The following SIM2 variants were observed in gnomAD, a reference collection of about 807,000 sequenced individuals.
SIM2 encodes single-minded homolog 2.
A neutral mutation model predicts 64.8 loss-of-function variants in SIM2; 28 were observed. The ratio of observed to expected loss-of-function variants is 0.43; its 90% CI spans 0.32 to 0.59. The LOEUF is 0.59. Ranked by LOEUF, SIM2 falls within the 20% of genes least tolerant of loss-of-function variation. The probability of loss-of-function intolerance (pLI) is 0.07; values close to 1 mark genes in which losing one functional copy is unlikely to be tolerated. For synonymous variants in SIM2, 408 were observed against 391.1 expected, an observed-to-expected ratio of 1.04 and a Z score of -0.51; for missense variants, 847 against 871.4, an observed-to-expected ratio of 0.97 and a Z score of 0.35.
rs1203424384 is a variant in SIM2, at chr21:36,745,276, C to A, written c.1576+140C>A. 1 of 1,459,160 alleles carries A rather than the reference C, an allele frequency of 6.9e-7. No homozygotes were observed. Among genetic ancestry groups the A allele is most frequent in the African/African-American group, 1.4e-5 (1 of 70,042 alleles). 90.4% of individuals were successfully genotyped at this position (1,459,160 alleles called of 1,614,324 possible). ...GCCCTCTTTCTGCTTCTAAGTAGGG[C>A]TTGCTGTGCTTTCTTGCTCTCAATG... On this transcript the variant is annotated intron_variant, in intron 10 of 10. Coordinates refer to ENST00000290399, the MANE Select transcript of SIM2 (RefSeq NM_005069.6). This position sits in a 1 kb window ranked among gnomAD's most constrained non-coding sequence, Gnocchi z 4.8.
At position 36,741,797 on chromosome 21, in the gene SIM2, G is replaced by A. The variant is rs766072259; in HGVS notation, c.931G>A (p.Ala311Thr). Residue 311 changes from alanine to threonine, a missense_variant, in exon 8 of 11, where the codon GCC (alanine) becomes ACC (threonine). Ala to Thr is a moderately conservative substitution (Grantham distance 58). This residue lies in a region of SIM2 where 397 missense variants were observed against 439.2 expected (regional missense o/e 0.90). Transcript: ENST00000290399. The stretch of plus-strand genomic sequence containing the variant: ...CGGCTGGGTGTGGGTGCAGAGCTAC[G>A]CCACCGTGGTGCACAACAGCCGCTC... Reference protein sequence around the residue: ...RGGWVWVQSYATVVHNSRSSR... With the variant: ...RGGWVWVQSYTTVVHNSRSSR... The A allele has an allele frequency of 1.9e-6, 3 of 1,612,150 alleles. No homozygotes were observed. The highest frequency in any genetic ancestry group is 1.1e-5 in the South Asian group (1 of 90,610).
At chr21:36,740,322 T>C (rs2123497149) in intron 7 of SIM2, among the ~76,000 whole-genome samples, 1 of 152,312 alleles carries the variant, frequency 6.6e-6, no homozygotes, top group South Asian at 2.1e-4. Flanking sequence ...GGAAGTTTCA[T>C]GTAAAGGGAA....
rs61252184 is a variant in SIM2 at position 36,737,961 on chromosome 21, C to CAAAAAAAAAAAAAAAAAAAAAAAA, written c.851-3735_851-3734insAAAAAAAAAAAAAAAAAAAAAAAA. 6.7e-4 allele frequency among the ~76,000 whole-genome samples: 23 copies of CAAAAAAAAAAAAAAAAAAAAAAAA among 34,126 alleles called. 2 individuals carry two copies. The highest frequency in any genetic ancestry group is 4.2e-3 in the South Asian group (2 of 478). The allele number at this position is 34,126 out of a possible 152,430, so 22.4% of individuals were successfully genotyped here. A position where few individuals can be genotyped will look rare whatever the true frequency, so the allele number is the denominator to read the frequency against. ...TGGGCAAAAGAGCAAGACCCTGTCT[C>CAAAAAAAAAAAAAAAAAAAAAAAA]AAAAAAAAAAAAAAAAAAAAAGCAA... On this transcript the variant is annotated intron_variant, in intron 7 of 10. Coordinates refer to ENST00000290399, the MANE Select transcript of SIM2 (RefSeq NM_005069.6).
At position 36,718,631 on chromosome 21, in the gene SIM2, T is replaced by C. The variant is rs2088777300; in HGVS notation, c.349-1190T>C. Among the ~76,000 whole-genome samples the C allele has an allele frequency of 1.3e-5, 2 of 152,236 alleles. 1 individual carries two copies. The highest frequency in any genetic ancestry group is 4.1e-4 in the South Asian group (2 of 4,832). On this transcript the variant is annotated intron_variant, in intron 3 of 10. Coordinates refer to ENST00000290399, the MANE Select transcript of SIM2 (RefSeq NM_005069.6). ...ACATGCTTTGAGTTTCTTCTCAGGCTGGGCACTGGGACTCCCCTTGGTGGT... is the reference window on the plus strand; with the variant it reads ...ACATGCTTTGAGTTTCTTCTCAGGCCGGGCACTGGGACTCCCCTTGGTGGT...
intron 7 of SIM2, among the ~76,000 whole-genome samples, chr21:36,737,961 C>CAAAAAAAAAAAAAAAAAAAAAAAAAAAAA (rs61252184): frequency 5.3e-4 from 18 of 34,128 alleles, no homozygotes; most frequent in Non-Finnish European, 8.0e-4. Flanking sequence ...GACCCTGTCT[C>CAAAAAAAAAAAAAAAAAAAAAAAAAAAAA]AAAAAAAAAA....
rs1252492956 is a variant in SIM2, at chr21:36,749,381, A to G, written c.*1289A>G. The G allele has an allele frequency of 2.6e-5, 4 of 152,184 alleles. No individual in the cohort carries two copies. Among genetic ancestry groups the G allele is most frequent in the Non-Finnish European group, 4.4e-5 (3 of 68,028 alleles). 9.4% of individuals were successfully genotyped at this position (152,184 alleles called of 1,614,324 possible). On this transcript the variant is annotated 3_prime_UTR_variant, in exon 11 of 11. Coordinates refer to ENST00000290399, the MANE Select transcript of SIM2 (RefSeq NM_005069.6). The stretch of plus-strand genomic sequence containing the variant: ...TTCTGAATGGAAAGAGGTTTTCACA[A>G]ATGTTTTAAACTCATCGTTCTAAAA...
In SIM2 at chr21:36,748,066, T is replaced by C. The variant is rs371535787; in HGVS notation, c.1978T>C (p.Ser660Pro). The change falls in exon 11 of 11, where the codon TCG becomes CCG. Residue 660 changes from serine (S) to proline (P), a missense_variant. Physicochemically the swap from Ser to Pro is moderately conservative, Grantham distance 74. Coordinates refer to ENST00000290399, the MANE Select transcript of SIM2 (RefSeq NM_005069.6). ...GAPLPHYLGA[S>P]VIITNGR ...GCCCCTGCCGCACTACCTGGGCGCC[T>C]CGGTCATCATCACCAACGGGAGGTG... is the stretch of plus-strand genomic sequence containing the variant. 3,041 of 1,203,172 alleles carry C rather than the reference T, an allele frequency of 2.5e-3. 60 individuals carry two copies. The African/African-American group carries it at 0.042, about 17-fold the overall frequency. 74.5% of individuals were successfully genotyped at this position (1,203,172 alleles called of 1,614,324 possible).
In SIM2 at chr21:36,719,945, G is replaced by GAA; in HGVS notation, c.457+16_457+17insAA. ...CTGCTCCAAGGTATTCCATCCAGAG[G>GAA]GAAAAAAAAAAACAGACTAAAAGCA... On this transcript the variant is annotated intron_variant, in intron 4 of 10. Coordinates refer to ENST00000290399, the MANE Select transcript of SIM2 (RefSeq NM_005069.6). The GAA allele has an allele frequency of 6.6e-7, 1 of 1,508,240 alleles. No homozygotes were observed. The highest frequency in any genetic ancestry group is 9.1e-7 in the Non-Finnish European group (1 of 1,094,632). The allele number at this position is 1,508,240 out of a possible 1,614,324, so 93.4% of individuals were successfully genotyped here.
At chr21:36,700,043 T>A in intron 1 of SIM2, 122 bp downstream of exon 1, 1 of 1,038,216 alleles carries the variant, frequency 9.6e-7, no homozygotes, top group Non-Finnish European at 1.4e-6. Flanking sequence ...CTGGGGCGTC[T>A]GAGGGAGGTT....
intron 1 of SIM2, among the ~76,000 whole-genome samples, chr21:36,700,299 CCTTT>C (rs201030610): frequency 4.6e-4 from 69 of 150,062 alleles, no homozygotes; most frequent in South Asian, 1.3e-3. Flanking sequence ...CTCTTTCTTT[CCTTT>C]CTTTCTTTCT....
In SIM2 at chr21:36,708,985, CAG is replaced by C. The variant is rs376499244; in HGVS notation, c.176-180_176-179del. Reference sequence around the variant, plus strand: ...TTCTCCCCCAGCCTTTTCTTTTTAACAGAGGGCAAAGGGGCGACGGCGAGAGC... The same window carrying C: ...TTCTCCCCCAGCCTTTTCTTTTTAACAGGGCAAAGGGGCGACGGCGAGAGC... On this transcript the variant is annotated intron_variant, in intron 1 of 10. Transcript: ENST00000290399. Among the ~76,000 whole-genome samples, 75 of 152,116 alleles carry C rather than the reference CAG, an allele frequency of 4.9e-4. 1 individual carries two copies. In the East Asian group the frequency reaches 0.013, roughly 26 times the overall value.
At chr21:36,719,208 A>G (rs1478877313) in intron 3 of SIM2, among the ~76,000 whole-genome samples, 3 of 152,252 alleles carry the variant, frequency 2.0e-5, no homozygotes, top group Non-Finnish European at 4.4e-5. Context: ...TCGGACTGGG[A>G]GGGCCAGAGA....
At chr21:36,722,675 C>G (rs1287042768) in intron 4 of SIM2, among the ~76,000 whole-genome samples, 2 of 152,200 alleles carry the variant, frequency 1.3e-5, no homozygotes, top group Admixed American at 1.3e-4. Flanking sequence ...TCTGCCAAGC[C>G]TTGGGTCACA....
At chr21:36,712,892 C>A (rs2088696367) in intron 3 of SIM2, among the ~76,000 whole-genome samples, 1 of 152,210 alleles carries the variant, frequency 6.6e-6, no homozygotes, top group South Asian at 2.1e-4. Context: ...TCTGCCAAAA[C>A]CCGGACTATC....
chr21:36,747,851 C>G lies in SIM2; in HGVS notation c.1763C>G (p.Ala588Gly). The G allele has an allele frequency of 9.6e-7, 1 of 1,038,174 alleles. No homozygotes were observed. Among genetic ancestry groups the G allele is most frequent in the Non-Finnish European group, 1.2e-6 (1 of 862,714 alleles). The allele number at this position is 1,038,174 out of a possible 1,614,324, so 64.3% of individuals were successfully genotyped here. The change falls in exon 11 of 11, where the codon GCC becomes GGC. Residue 588 changes from alanine to glycine, a missense_variant. Around this residue, in one of 3 missense-constraint regions of SIM2, gnomAD observed 447 missense variants for 414.6 expected, o/e 1.08. Coordinates refer to ENST00000290399, the MANE Select transcript of SIM2 (RefSeq NM_005069.6). This position sits in a 1 kb window ranked among gnomAD's most constrained non-coding sequence, Gnocchi z 4.5. ...TGCTGCGCGCCCCCGACCCCCGAGG[C>G]CCCGGGCGCGCCGGCGCAGCTGCCC... ...PECCAPPTPEAPGAPAQLPFV... is the reference protein window; with the variant it reads ...PECCAPPTPEGPGAPAQLPFV...
chr21:36,741,749 T>C lies in SIM2; in HGVS notation c.883T>C (p.Tyr295His). Residue 295 changes from tyrosine (Y) to histidine (H), a missense_variant, in exon 8 of 11, where the codon TAC becomes CAC. Physicochemically the swap from Tyr to His is moderately conservative, Grantham distance 83. Around this residue, in one of 3 missense-constraint regions of SIM2, gnomAD observed 397 missense variants for 439.2 expected, o/e 0.90. Transcript: ENST00000290399. Reference sequence around the variant, plus strand: ...GAAGGGCCAGGTCACCACCAAGTACTACCGGCTGCTGTCCAAGCGGGGCGG... The same window carrying C: ...GAAGGGCCAGGTCACCACCAAGTACCACCGGCTGCTGTCCAAGCGGGGCGG... ...LVKGQVTTKY[Y>H]RLLSKRGGWV... 6.2e-7 allele frequency: 1 copy of C among 1,613,542 alleles called. No homozygotes were observed.
chr21:36,699,969 C>A lies in SIM2; in HGVS notation c.175+48C>A, dbSNP rs766850934. 90 of 1,522,188 alleles carry A rather than the reference C, an allele frequency of 5.9e-5. No homozygotes were observed. Among genetic ancestry groups the A allele is most frequent in the Non-Finnish European group, 7.9e-5 (90 of 1,139,336 alleles). The allele number at this position is 1,522,188 out of a possible 1,614,324, so 94.3% of individuals were successfully genotyped here. Reference sequence around the variant, plus strand: ...GGGGACGCTGGGGAGCCCGGCGGCCCCGGCCCAGGCGGGAAGCGCAAGCCA... The same window carrying A: ...GGGGACGCTGGGGAGCCCGGCGGCCACGGCCCAGGCGGGAAGCGCAAGCCA... On this transcript the variant is annotated intron_variant, in intron 1 of 10. Coordinates refer to ENST00000290399, the MANE Select transcript of SIM2 (RefSeq NM_005069.6). This position sits in a 1 kb window ranked among gnomAD's most constrained non-coding sequence, Gnocchi z 5.6.
rs750669602 is a variant in SIM2, at chr21:36,712,590, G to A, written c.316G>A (p.Glu106Lys). The A allele has an allele frequency of 9.3e-6, 15 of 1,613,398 alleles. No individual in the cohort carries two copies. The highest frequency in any genetic ancestry group is 1.7e-5 in the Admixed American group (1 of 59,920). ...ASDGKIMYIS[E>K]TASVHLGLSQ... The stretch of plus-strand genomic sequence containing the variant: ...TGATGGCAAAATCATGTATATATCC[G>A]AGACCGCTTCTGTCCATTTAGGCTT... The change falls in exon 3 of 11, where the codon GAG becomes AAG. Residue 106 changes from glutamate (E) to lysine (K), a missense_variant. Glu to Lys is a moderately conservative substitution (Grantham distance 56). This residue lies in a region of SIM2 where 397 missense variants were observed against 439.2 expected (regional missense o/e 0.90). Transcript: ENST00000290399.
rs1346888433 is a variant in SIM2, at chr21:36,747,939, C to G, written c.1851C>G (p.Pro617=). The change falls in exon 11 of 11, where the codon CCC becomes CCG. Residue 617 remains proline, a synonymous_variant. Transcript: ENST00000290399. This position sits in a 1 kb window ranked among gnomAD's most constrained non-coding sequence, Gnocchi z 4.5. ...ARRGPLGGAA[P]AASGLACAPG... The stretch of plus-strand genomic sequence containing the variant: ...GCGGACCGCTGGGGGGCGCCGCACC[C>G]GCCGCCTCCGGCCTGGCCTGCGCTC... The G allele has an allele frequency of 2.9e-6, 3 of 1,028,352 alleles. No individual in the cohort carries two copies. Among genetic ancestry groups the G allele is most frequent in the Non-Finnish European group, 3.5e-6 (3 of 858,912 alleles). 63.7% of individuals were successfully genotyped at this position (1,028,352 alleles called of 1,614,324 possible).
Sources: allele counts gnomAD v4.1 joint callset (sites outside exome capture counted in the v4.1 genomes callset), GRCh38; gene constraint gnomAD v4.1.1; regional missense constraint gnomAD v4.1.1; non-coding constraint Gnocchi (gnomAD v3.1); transcripts MANE v1.5; gene names NCBI Gene and HGNC (gene_info 2026-07-23, HGNC 2026-07-21).